Variants in PALM2AKAP2 observed in about 807,000 individuals in gnomAD.
PALM2AKAP2 encodes PALM2 and AKAP2 fusion.
PALM2AKAP2 carries 37 observed loss-of-function variants against 71.5 expected under a neutral mutation model. The ratio of observed to expected loss-of-function variants is 0.52; its 90% CI spans 0.40 to 0.68. The LOEUF (loss-of-function observed/expected upper bound fraction) is 0.68, where lower values mean the gene tolerates loss of function less well. PALM2AKAP2 is among the 30% of genes least tolerant of loss of function. The pLI is 0.00. For missense variants in PALM2AKAP2, 1,224 were observed against 1,191.8 expected (o/e 1.03, Z -0.40); for synonymous variants, 468 against 478.8 (o/e 0.98, Z 0.29).
intron 6 of PALM2AKAP2, among the ~76,000 whole-genome samples, chr9:109,960,072 A>T (rs1831825408): frequency 6.6e-6 from 1 of 152,154 alleles, no homozygotes; most frequent in South Asian, 2.1e-4. Context: ...CTTAGTTCCC[A>T]CTGATTCCCA....
upstream of PALM2AKAP2, among the ~76,000 whole-genome samples, chr9:109,775,973 T>C (rs974755391): frequency 1.3e-5 from 2 of 152,256 alleles, no homozygotes; most frequent in African/African-American, 4.8e-5. Flanking sequence ...ACAGATGGTG[T>C]TTATGCAACA....
intron 3 of PALM2AKAP2, among the ~76,000 whole-genome samples, chr9:109,909,204 A>G (rs1830518210): frequency 6.6e-6 from 1 of 152,168 alleles, no homozygotes; most frequent in Non-Finnish European, 1.5e-5. Context: ...GAAATTGTAT[A>G]TTTGGGGAAC....
chr9:110,168,376 A>T (rs750481722), intron 3 of PALM2AKAP2, 23 bp from the exon 11 acceptor site: 25 of 1,610,934 alleles, frequency 1.6e-5, no homozygotes, highest in Non-Finnish European at 2.1e-5. Flanking sequence ...AACTCTGCAT[A>T]ATTTTTTCCC....
chr9:109,777,219 C>G (rs1370908886), upstream of PALM2AKAP2, among the ~76,000 whole-genome samples: 1 of 152,238 alleles, frequency 6.6e-6, no homozygotes, highest in Non-Finnish European at 1.5e-5. Context: ...GAGTTGAACT[C>G]AAACTTTCTT....
At chr9:109,696,879 A>G (rs1383260910) in intron 1 of PALM2AKAP2, among the ~76,000 whole-genome samples, 1 of 152,078 alleles carries the variant, frequency 6.6e-6, no homozygotes, top group Non-Finnish European at 1.5e-5. Flanking sequence ...TACAAAGCCA[A>G]TATCTATTGT....
At chr9:109,774,581 G>A (rs1302365902) in intron 1 of PALM2AKAP2, among the ~76,000 whole-genome samples, 1 of 151,872 alleles carries the variant, frequency 6.6e-6, no homozygotes, top group Non-Finnish European at 1.5e-5. Context: ...ATGACATAGG[G>A]CAGAATCCTC....
At chr9:110,106,946 T>A (rs1050992862) in intron 1 of PALM2AKAP2, among the ~76,000 whole-genome samples, 6 of 152,218 alleles carry the variant, frequency 3.9e-5, no homozygotes, top group African/African-American at 1.4e-4. Context: ...AATGCTTTGA[T>A]GTGCAAGGCA....
chr9:110,156,400 C>T, exon 3 of PALM2AKAP2: 1 of 1,613,052 alleles, frequency 6.2e-7, no homozygotes, highest in Non-Finnish European at 8.5e-7. Flanking sequence ...CCTGAAGAGG[C>T]TGCCGGAACC....
At chr9:109,805,203 C>T (rs999490536) in intron 1 of PALM2AKAP2, among the ~76,000 whole-genome samples, 1 of 152,174 alleles carries the variant, frequency 6.6e-6, no homozygotes, top group Non-Finnish European at 1.5e-5. Flanking sequence ...AGAGAACCTC[C>T]TCCTGCAGCT....
At chr9:110,120,232 T>G (rs1366606153) in intron 1 of PALM2AKAP2, among the ~76,000 whole-genome samples, 2 of 152,174 alleles carry the variant, frequency 1.3e-5, no homozygotes, top group Non-Finnish European at 2.9e-5. Context: ...AACTCTGTCC[T>G]CCCCAATGCA....
intron 1 of PALM2AKAP2, among the ~76,000 whole-genome samples, chr9:110,091,497 C>T (rs1208039768): frequency 8.5e-6 from 1 of 117,140 alleles, no homozygotes; most frequent in Non-Finnish European, 1.6e-5. Context: ...GAGTCTTGCT[C>T]TGTCGCCCAG....
chr9:109,847,082 C>A (rs989669740), intron 1 of PALM2AKAP2, among the ~76,000 whole-genome samples: 8 of 152,168 alleles, frequency 5.3e-5, no homozygotes, highest in Admixed American at 3.3e-4. Context: ...AAAGATATAT[C>A]CGCATCAAAT....
intron 3 of PALM2AKAP2, among the ~76,000 whole-genome samples, chr9:109,886,066 A>G (rs961176697): frequency 1.1e-4 from 17 of 152,374 alleles, no homozygotes; most frequent in African/African-American, 3.6e-4. Context: ...CAGAATTAAA[A>G]TAGGCTAAAT....
intron 2 of PALM2AKAP2, among the ~76,000 whole-genome samples, chr9:110,144,803 T>G (rs1587857137): frequency 6.6e-6 from 1 of 152,208 alleles, no homozygotes; most frequent in East Asian, 1.9e-4. Flanking sequence ...TCAGAGTTTT[T>G]TGGATTTGGG....
chr9:109,703,314 T>C (rs1828092918), intron 1 of PALM2AKAP2, among the ~76,000 whole-genome samples: 1 of 152,204 alleles, frequency 6.6e-6, no homozygotes, highest in African/African-American at 2.4e-5. Context: ...TAGTTTCAGT[T>C]TGGTATGTAT....
At chr9:109,833,575 T>G (rs1446532283) in intron 1 of PALM2AKAP2, among the ~76,000 whole-genome samples, 1 of 152,050 alleles carries the variant, frequency 6.6e-6, no homozygotes, top group Non-Finnish European at 1.5e-5. Context: ...CTCACCTAGT[T>G]TAAAGACCCC....
intron 1 of PALM2AKAP2, among the ~76,000 whole-genome samples, chr9:109,747,372 T>G (rs1042192348): frequency 6.6e-6 from 1 of 152,246 alleles, no homozygotes; most frequent in Non-Finnish European, 1.5e-5. Flanking sequence ...GAAATGTTTG[T>G]TAAAATATAT....
chr9:109,664,323 G>A (rs1827444546), intron 1 of PALM2AKAP2, among the ~76,000 whole-genome samples: 1 of 152,102 alleles, frequency 6.6e-6, no homozygotes, highest in South Asian at 2.1e-4. Context: ...GCGGTGGCTG[G>A]TACCGGTTGT....
chr9:110,016,368 A>G (rs1372726667), intron 7 of PALM2AKAP2, among the ~76,000 whole-genome samples: 1 of 152,194 alleles, frequency 6.6e-6, no homozygotes, highest in African/African-American at 2.4e-5. Flanking sequence ...AGCTATTTGT[A>G]AATGGTAACC....
Sources: gnomAD v4.1 joint callset for allele counts (sites outside exome capture counted in the v4.1 genomes callset) on GRCh38, gnomAD v4.1.1 for gene constraint, MANE v1.5 for transcripts, NCBI Gene and HGNC (gene_info 2026-07-23, HGNC 2026-07-21) for gene names.